ANXA8: variants seen among roughly 807,000 people sequenced by gnomAD.
The protein encoded by ANXA8 is annexin A8, also known as VAC-beta.
ANXA8 carries 9 observed loss-of-function variants against 26.8 expected under a neutral mutation model. That is an observed-to-expected ratio of 0.34 (90% CI 0.20 to 0.59). The LOEUF is 0.59. ANXA8 is among the 20% of genes least tolerant of loss of function. The probability of loss-of-function intolerance (pLI) is 0.84; values close to 1 mark genes in which losing one functional copy is unlikely to be tolerated. For synonymous variants in ANXA8, 39 were observed against 94.8 expected, an observed-to-expected ratio of 0.41 and a Z score of 3.42; for missense variants, 83 against 238.5, an observed-to-expected ratio of 0.35 and a Z score of 4.29.
the ANXA8 span, among the ~76,000 whole-genome samples, chr10:47,653,183 G>A: frequency 4.7e-5 from 7 of 150,456 alleles, no homozygotes; most frequent in South Asian, 1.0e-3. Context: ...ATGGTGGTGG[G>A]TGCCTGTAAT....
At chr10:47,740,821 G>T in the ANXA8 span, among the ~76,000 whole-genome samples, 1 of 134,728 alleles carries the variant, frequency 7.4e-6, no homozygotes, top group African/African-American at 2.8e-5. Context: ...TTTAAAACAA[G>T]TCTTGTTGTG....
chr10:47,511,465 G>A, the ANXA8 span, among the ~76,000 whole-genome samples: 1 of 126,912 alleles, frequency 7.9e-6, no homozygotes, highest in African/African-American at 3.0e-5. Flanking sequence ...GGTTTCTCTA[G>A]TCCTATTTTC....
At chr10:47,753,213 G>A in the ANXA8 span, 73 of 866,230 alleles carry the variant, frequency 8.4e-5, no homozygotes, top group Non-Finnish European at 9.5e-5. Context: ...TGACGTGCAG[G>A]CTGCACGATG....
At chr10:47,565,051 C>T in the ANXA8 span, 3 of 784,002 alleles carry the variant, frequency 3.8e-6, no homozygotes, top group South Asian at 1.4e-5. Flanking sequence ...TCATGAAGAC[C>T]ATGGGCATGT....
At chr10:47,743,405 T>TGTGTGTGAGAGAGAGA in the ANXA8 span, among the ~76,000 whole-genome samples, 1 of 83,530 alleles carries the variant, frequency 1.2e-5, no homozygotes, top group African/African-American at 4.9e-5. Flanking sequence ...TGTGTGTGTG[T>TGTGTGTGAGAGAGAGA]GAGAGAGAGA....
the ANXA8 span, among the ~76,000 whole-genome samples, chr10:47,777,390 C>A: frequency 6.6e-6 from 1 of 152,040 alleles, no homozygotes; most frequent in Non-Finnish European, 1.5e-5. Flanking sequence ...CGGGCTCAAG[C>A]AATCCTCCCA....
At chr10:47,513,412 C>A in the ANXA8 span, among the ~76,000 whole-genome samples, 1 of 142,044 alleles carries the variant, frequency 7.0e-6, no homozygotes, top group Non-Finnish European at 1.5e-5. Context: ...TGGAAAGACA[C>A]CCATGCTCAT....
At chr10:47,478,306 G>GCC in intron 3 of ANXA8, 1 of 711,044 alleles carries the variant, frequency 1.4e-6, no homozygotes, top group Non-Finnish European at 2.5e-6. Context: ...CCAGCCCCCG[G>GCC]CCCGGGCTCT....
chr10:47,510,377 G>A, the ANXA8 span: 10 of 1,340,202 alleles, frequency 7.5e-6, 1 homozygote, highest in Non-Finnish European at 4.0e-6. Flanking sequence ...TCCATGAACT[G>A]CCTGAGTGTG....
the ANXA8 span, among the ~76,000 whole-genome samples, chr10:47,748,586 GAGGGACACATTTC>G: frequency 2.0e-5 from 3 of 152,192 alleles, no homozygotes; most frequent in Admixed American, 6.5e-5. Context: ...AGGCAGGTAG[GAGGGACACATTTC>G]TTCTTTTCTT....
chr10:47,477,113 A>G lies in ANXA8; in HGVS notation c.289T>C (p.Tyr97His). The change falls in exon 4 of 12, where the codon TAC (tyrosine) becomes CAC (histidine). Residue 97 changes from tyrosine to histidine, a missense_variant. Tyr to His is a moderately conservative substitution (Grantham distance 83, BLOSUM62 2). This residue lies in a region of ANXA8 where 7 missense variants were observed against 85.9 expected (regional missense o/e 0.08). Transcript: ENST00000585281. Reference sequence around the variant, plus strand: ...GCGTCATGCAGCTCCTTGGCTTCGTATCTGTATGGCGGGTACATAAGGGCC... The same window carrying G: ...GCGTCATGCAGCTCCTTGGCTTCGTGTCTGTATGGCGGGTACATAAGGGCC... ...IVALMYPPYR[Y>H]EAKELHDAMK... 6.3e-7 allele frequency: 1 copy of G among 1,592,916 alleles called. No homozygotes were observed. Among genetic ancestry groups the G allele is most frequent in the Non-Finnish European group, 8.5e-7 (1 of 1,172,516 alleles).
the ANXA8 span, chr10:47,921,888 G>A: frequency 2.7e-6 from 1 of 372,422 alleles, no homozygotes; most frequent in Admixed American, 4.3e-5. Context: ...ATTCTACCCT[G>A]GGCATGATCC....
chr10:47,949,534 A>G, the ANXA8 span, among the ~76,000 whole-genome samples: 2 of 150,618 alleles, frequency 1.3e-5, 1 homozygote, highest in African/African-American at 4.9e-5. Context: ...TTTCCTTAAA[A>G]GATAATTGAT....
At chr10:47,980,840 T>C in the ANXA8 span, among the ~76,000 whole-genome samples, 1 of 150,896 alleles carries the variant, frequency 6.6e-6, no homozygotes, top group Non-Finnish European at 1.5e-5. Context: ...AAACTCACCA[T>C]GCACAAAAAA....
the ANXA8 span, chr10:47,706,806 A>G: frequency 2.6e-5 from 25 of 955,450 alleles, 2 homozygotes; most frequent in Non-Finnish European, 4.1e-5. Flanking sequence ...TAGCTGAAGA[A>G]GCAAACTGCC....
At chr10:47,918,403 A>G in the ANXA8 span, among the ~76,000 whole-genome samples, 7 of 26,132 alleles carry the variant, frequency 2.7e-4, no homozygotes, top group African/African-American at 1.7e-3. Context: ...GAAAGAAAGA[A>G]AGAAAGAAAG....
the ANXA8 span, among the ~76,000 whole-genome samples, chr10:47,646,036 C>T: frequency 6.7e-6 from 1 of 149,080 alleles, no homozygotes; most frequent in African/African-American, 2.6e-5. Context: ...CTTCTTCTAG[C>T]TATCTCTGTC....
chr10:47,483,929 G>A lies in ANXA8; in HGVS notation c.5C>T (p.Ala2Val). 1.2e-6 allele frequency: 2 copies of A among 1,611,642 alleles called. No homozygotes were observed. The change falls in exon 1 of 12, where the codon GCC (alanine) becomes GTC (valine). Residue 2 changes from alanine (A) to valine (V), a missense_variant. Coordinates refer to ENST00000585281, the MANE Select transcript of ANXA8 (RefSeq NM_001040084.3). ...CCCACTTACCCAGGATTTCCACCAG[G>A]CCATCTCTTTCACCTCGGGGGCACC... The part of the protein sequence containing the change: M[A>V]WWKSWIEQEG...
At chr10:47,549,161 A>G in the ANXA8 span, 4 of 616,498 alleles carry the variant, frequency 6.5e-6, 1 homozygote, top group East Asian at 9.4e-5. Flanking sequence ...ATCATCATCA[A>G]TTCAATCACA....
Sources: allele counts gnomAD v4.1 joint callset (sites outside exome capture counted in the v4.1 genomes callset), GRCh38; gene constraint gnomAD v4.1.1; regional missense constraint gnomAD v4.1.1; transcripts MANE v1.5; gene names NCBI Gene and HGNC (gene_info 2026-07-23, HGNC 2026-07-21).